Variants in SPATC1 observed in about 807,000 individuals in gnomAD.
The protein encoded by SPATC1 is speriolin.
In SPATC1, 35 loss-of-function variants were observed where a neutral mutation model predicts 36.5. The ratio of observed to expected loss-of-function variants is 0.96; its 90% confidence interval spans 0.73 to 1.27. The LOEUF (loss-of-function observed/expected upper bound fraction) is 1.27, where lower values mean the gene tolerates loss of function less well. Ranked by LOEUF, SPATC1 falls within the 50% of genes most tolerant of loss-of-function variation. SPATC1 has a pLI of 0.00. For synonymous variants in SPATC1, 361 were observed against 353.6 expected (o/e 1.02, Z -0.24); for missense variants, 779 against 796.0 (o/e 0.98, Z 0.26).
rs1018139870 is a variant in SPATC1 at position 144,018,458 on chromosome 8, G to A, written c.211+5732G>A. On this transcript the variant is annotated intron_variant, in intron 1 of 4. Coordinates refer to ENST00000377470, the MANE Select transcript of SPATC1 (RefSeq NM_198572.3). ...ATGAGGTCCAGAACTTCTTTTCAAG[G>A]TGGCAGAGACCTGAGTTTGTTTACA... 8.8e-3 allele frequency among the ~76,000 whole-genome samples: 1,340 copies of A among 152,222 alleles called. 19 individuals carry two copies. Among genetic ancestry groups the A allele is most frequent in the African/African-American group, 0.031 (1,272 of 41,540 alleles).
At chr8:144,026,225 A>G (rs994165041) in intron 1 of SPATC1, among the ~76,000 whole-genome samples, 15 of 152,338 alleles carry the variant, frequency 9.8e-5, no homozygotes, top group African/African-American at 3.6e-4. Context: ...TTCACTAAGC[A>G]TAATGTTTTC....
Position 144,045,771 on chromosome 8 carries a change from A to T in SPATC1, c.1447-856A>T, listed in dbSNP as rs1835243237. ...TGGCAGGGCCCAGTGCAAAATGAAA[A>T]TAATTCAAAACTTAGAACTTCAGGA... On this transcript the variant is annotated intron_variant, in intron 4 of 4. Transcript: ENST00000377470. The surrounding 1 kb of genome is among the most constrained non-coding windows in gnomAD (Gnocchi z 5.2). Among the ~76,000 whole-genome samples the T allele has an allele frequency of 6.6e-6, 1 of 152,228 alleles. No homozygotes were observed. Among genetic ancestry groups the T allele is most frequent in the African/African-American group, 2.4e-5 (1 of 41,452 alleles).
chr8:144,018,053 T>C (rs1177004852), intron 1 of SPATC1, among the ~76,000 whole-genome samples: 4 of 152,034 alleles, frequency 2.6e-5, no homozygotes, highest in African/African-American at 2.4e-5. Context: ...AGTAAGAGAC[T>C]GAAGGACAGA....
chr8:144,041,068 G>A lies in SPATC1; in HGVS notation c.1267G>A (p.Ala423Thr), dbSNP rs1554755941. 1 of 1,596,836 alleles carries A rather than the reference G, an allele frequency of 6.3e-7. No homozygotes were observed. Among genetic ancestry groups the A allele is most frequent in the Non-Finnish European group, 8.5e-7 (1 of 1,170,934 alleles). Reference sequence around the variant, plus strand: ...CATGATGGAGGTGGAACGGAAGCTGGCCCACCGCAAGACCAGCAAGTTCCC... The same window carrying A: ...CATGATGGAGGTGGAACGGAAGCTGACCCACCGCAAGACCAGCAAGTTCCC... The part of the protein sequence containing the change: ...KSMMEVERKL[A>T]HRKTSKFPEN... Residue 423 changes from alanine to threonine, a missense_variant, in exon 3 of 5, where the codon GCC becomes ACC. Ala to Thr is a moderately conservative substitution (Grantham distance 58). Transcript: ENST00000377470.
At chr8:144,040,539 T>C in intron 2 of SPATC1, 29 bp from the exon 3 acceptor site, 1 of 1,562,846 alleles carries the variant, frequency 6.4e-7, no homozygotes, top group Non-Finnish European at 8.7e-7. Context: ...ATCCCCCTTT[T>C]TTTATTTCTG....
In SPATC1 at chr8:144,023,411, A is replaced by G; in HGVS notation, c.211+10685A>G. Among the ~76,000 whole-genome samples the G allele has an allele frequency of 2.9e-5, 3 of 104,190 alleles. 1 individual carries two copies. Among genetic ancestry groups the G allele is most frequent in the South Asian group, 4.1e-4 (1 of 2,460 alleles). The allele number at this position is 104,190 out of a possible 152,430, so 68.4% of individuals were successfully genotyped here. A position where few individuals can be genotyped will look rare whatever the true frequency, so the allele number is the denominator to read the frequency against. On this transcript the variant is annotated intron_variant, in intron 1 of 4. Transcript: ENST00000377470. ...TCTTCCCTGAGGACCCTCTTCTCTG[A>G]AAACCCTCCCCCCTCAGGACCCTCT...
chr8:144,034,648 A>C (rs1341596983), intron 1 of SPATC1, among the ~76,000 whole-genome samples: 1 of 151,910 alleles, frequency 6.6e-6, no homozygotes, highest in Non-Finnish European at 1.5e-5. Flanking sequence ...TTTTAGACGG[A>C]GCCTCACTCT....
intron 1 of SPATC1, among the ~76,000 whole-genome samples, chr8:144,039,208 GGCTTCTCCCCGAAAC>G (rs1834993864): frequency 6.6e-6 from 1 of 152,176 alleles, no homozygotes; most frequent in Admixed American, 6.5e-5. Context: ...GGGATCAGGG[GGCTTCTCCCCGAAAC>G]AGTGGCCAGA....
chr8:144,036,386 A>G (rs1834898749), intron 1 of SPATC1, among the ~76,000 whole-genome samples: 4 of 152,316 alleles, frequency 2.6e-5, no homozygotes, highest in Non-Finnish European at 4.4e-5. Flanking sequence ...GTGCAGTAGC[A>G]CGATCACGGC....
At chr8:144,015,614 C>T (rs1834370482) in intron 1 of SPATC1, among the ~76,000 whole-genome samples, 2 of 150,430 alleles carry the variant, frequency 1.3e-5, no homozygotes, top group Admixed American at 1.3e-4. Context: ...TGGTGGCAGG[C>T]GCCTGTAATC....
intron 1 of SPATC1, among the ~76,000 whole-genome samples, chr8:144,036,546 A>C (rs1834902288): frequency 6.6e-6 from 1 of 151,976 alleles, no homozygotes; most frequent in Admixed American, 6.6e-5. Flanking sequence ...CTGGTCTCGA[A>C]CTCCTGAACT....
chr8:144,015,016 T>C (rs913477260), intron 1 of SPATC1, among the ~76,000 whole-genome samples: 1 of 152,048 alleles, frequency 6.6e-6, no homozygotes, highest in Non-Finnish European at 1.5e-5. Flanking sequence ...CAAAAGAAAA[T>C]TAAATGTAAT....
intron 1 of SPATC1, among the ~76,000 whole-genome samples, chr8:144,034,914 C>T (rs1834868344): frequency 6.6e-6 from 1 of 152,122 alleles, no homozygotes; most frequent in African/African-American, 2.4e-5. Context: ...AAACACTGCG[C>T]CTGGCAACTC....
At chr8:144,035,862 C>A (rs1227437083) in intron 1 of SPATC1, among the ~76,000 whole-genome samples, 1 of 152,206 alleles carries the variant, frequency 6.6e-6, no homozygotes, top group African/African-American at 2.4e-5. Context: ...GGAGATGTTG[C>A]CCCCAAGTGG....
chr8:144,031,358 A>G (rs1458017375), intron 1 of SPATC1, among the ~76,000 whole-genome samples: 1 of 151,592 alleles, frequency 6.6e-6, no homozygotes, highest in African/African-American at 2.4e-5. Flanking sequence ...TGGCCTTCAT[A>G]GTTTCTGATG....
chr8:144,041,405 C>A (rs781670610), intron 4 of SPATC1, 34 bp downstream of exon 4: 1 of 1,597,422 alleles, frequency 6.3e-7, no homozygotes, highest in Admixed American at 1.7e-5. Flanking sequence ...GGACAGGGGG[C>A]AGGTTGGCCC....
intron 1 of SPATC1, among the ~76,000 whole-genome samples, chr8:144,013,339 G>T (rs1554752718): frequency 6.6e-6 from 1 of 152,134 alleles, no homozygotes; most frequent in Non-Finnish European, 1.5e-5. Context: ...CCACAGCGCA[G>T]CTTCAACTCT....
intron 1 of SPATC1, among the ~76,000 whole-genome samples, chr8:144,018,181 A>C (rs2133100949): frequency 6.6e-6 from 1 of 152,342 alleles, no homozygotes; most frequent in African/African-American, 2.4e-5. Context: ...AGTGTCAGCA[A>C]GGTAAAGGCT....
chr8:144,032,876 A>G (rs974122162), intron 1 of SPATC1, among the ~76,000 whole-genome samples: 80 of 152,118 alleles, frequency 5.3e-4, no homozygotes, highest in Non-Finnish European at 9.4e-4. Flanking sequence ...TGTGTGTCAT[A>G]TGCACAGATA....
Sources: allele counts gnomAD v4.1 joint callset (sites outside exome capture counted in the v4.1 genomes callset), GRCh38; gene constraint gnomAD v4.1.1; non-coding constraint Gnocchi (gnomAD v3.1); transcripts MANE v1.5; gene names NCBI Gene and HGNC (gene_info 2026-07-23, HGNC 2026-07-21).